The following AKR1C8 variants were observed in gnomAD, a reference collection of about 807,000 sequenced individuals.
AKR1C8 encodes the protein aldo-keto reductase family 1 member C-like protein 1.
At chr10:5,127,310 C>T in the AKR1C8 span, among the ~76,000 whole-genome samples, 1 of 152,008 alleles carries the variant, frequency 6.6e-6, no homozygotes, top group African/African-American at 2.4e-5. Context: ...ATGAAAGGCA[C>T]ATTTAGGGAA....
the AKR1C8 span, among the ~76,000 whole-genome samples, chr10:5,136,516 C>T: frequency 6.6e-6 from 1 of 152,164 alleles, no homozygotes; most frequent in Non-Finnish European, 1.5e-5. Flanking sequence ...CACTGTATTC[C>T]AGTTTGCATG....
chr10:5,175,021 GGTTT>G, the AKR1C8 span, among the ~76,000 whole-genome samples: 8 of 151,870 alleles, frequency 5.3e-5, no homozygotes, highest in Non-Finnish European at 7.4e-5. Flanking sequence ...ACAATGTGCA[GGTTT>G]GTTACATATG....
At chr10:5,172,467 A>C in the AKR1C8 span, among the ~76,000 whole-genome samples, 1 of 152,084 alleles carries the variant, frequency 6.6e-6, no homozygotes, top group East Asian at 1.9e-4. Flanking sequence ...CAAGATTAAA[A>C]GTAAGGATAT....
At chr10:5,116,900 C>A in the AKR1C8 span, among the ~76,000 whole-genome samples, 1 of 152,124 alleles carries the variant, frequency 6.6e-6, no homozygotes, top group Non-Finnish European at 1.5e-5. Flanking sequence ...GCGTAGCATT[C>A]GTATGTGTGA....
At chr10:5,140,782 T>C in the AKR1C8 span, among the ~76,000 whole-genome samples, 7 of 138,832 alleles carry the variant, frequency 5.0e-5, no homozygotes, top group Admixed American at 4.1e-4. Flanking sequence ...TGTACATATA[T>C]GCAACATACC....
At chr10:5,159,607 G>C in the AKR1C8 span, among the ~76,000 whole-genome samples, 2 of 152,022 alleles carry the variant, frequency 1.3e-5, no homozygotes, top group African/African-American at 4.8e-5. Flanking sequence ...CCAAACATCT[G>C]TATCTCCACC....
the AKR1C8 span, among the ~76,000 whole-genome samples, chr10:5,135,871 G>T: frequency 8.3e-3 from 1,254 of 151,902 alleles, 14 homozygotes; most frequent in African/African-American, 0.028. Context: ...AATATTTTGG[G>T]TTTTTTTTCT....
chr10:5,163,418 G>C, the AKR1C8 span, among the ~76,000 whole-genome samples: 2 of 152,140 alleles, frequency 1.3e-5, no homozygotes. Flanking sequence ...TAAGCACATT[G>C]TTCTATCATT....
chr10:5,174,954 AAAC>A, the AKR1C8 span, among the ~76,000 whole-genome samples: 2 of 152,236 alleles, frequency 1.3e-5, no homozygotes, highest in South Asian at 2.1e-4. Context: ...TTGAAATAAA[AAAC>A]AAGGTTTTCT....
chr10:5,179,451 T>G, the AKR1C8 span, among the ~76,000 whole-genome samples: 8 of 152,280 alleles, frequency 5.3e-5, no homozygotes, highest in East Asian at 9.7e-4. Context: ...CTGACAATTA[T>G]GTATCTTGGA....
At chr10:5,172,008 C>T in the AKR1C8 span, among the ~76,000 whole-genome samples, 19 of 151,872 alleles carry the variant, frequency 1.3e-4, no homozygotes, top group Non-Finnish European at 2.2e-4. Flanking sequence ...TGTTGAAAAC[C>T]TTCATAAGTT....
chr10:5,166,529 A>C, the AKR1C8 span, among the ~76,000 whole-genome samples: 7 of 152,170 alleles, frequency 4.6e-5, no homozygotes, highest in East Asian at 1.9e-4. Flanking sequence ...CAAAAACAAG[A>C]AATGGGGAAA....
chr10:5,182,138 A>G, the AKR1C8 span, among the ~76,000 whole-genome samples: 5 of 152,174 alleles, frequency 3.3e-5, no homozygotes, highest in South Asian at 2.1e-4. Context: ...AATTTAAAAC[A>G]TATTTATTTA....
At chr10:5,147,473 T>C in the AKR1C8 span, among the ~76,000 whole-genome samples, 18 of 152,166 alleles carry the variant, frequency 1.2e-4, no homozygotes, top group African/African-American at 4.3e-4. Flanking sequence ...TTATTTGCTT[T>C]TGAAGTACAA....
the AKR1C8 span, among the ~76,000 whole-genome samples, chr10:5,178,145 C>G: frequency 6.6e-6 from 1 of 152,100 alleles, no homozygotes; most frequent in African/African-American, 2.4e-5. Context: ...CTACACACTG[C>G]TTTGAATGTG....
chr10:5,140,369 T>G, the AKR1C8 span, among the ~76,000 whole-genome samples: 1 of 152,144 alleles, frequency 6.6e-6, no homozygotes, highest in Admixed American at 6.5e-5. Context: ...GCAGCACTAT[T>G]CACAATAGCA....
the AKR1C8 span, chr10:5,157,797 C>T: frequency 6.4e-6 from 3 of 470,184 alleles, no homozygotes; most frequent in Non-Finnish European, 1.3e-5. Flanking sequence ...AGTCGGGATC[C>T]ACCCTGTTGG....
At chr10:5,126,274 C>T in the AKR1C8 span, among the ~76,000 whole-genome samples, 1 of 152,150 alleles carries the variant, frequency 6.6e-6, no homozygotes, top group Non-Finnish European at 1.5e-5. Flanking sequence ...ACTGCATCCC[C>T]ACAGGAGGAG....
At chr10:5,158,958 T>C in the AKR1C8 span, among the ~76,000 whole-genome samples, 1 of 152,170 alleles carries the variant, frequency 6.6e-6, no homozygotes, top group African/African-American at 2.4e-5. Context: ...GCCCCAATTA[T>C]AGCCTCTAAA....
Sources: gnomAD v4.1 joint callset for allele counts (sites outside exome capture counted in the v4.1 genomes callset) on GRCh38, gnomAD v4.1.1 for gene constraint, MANE v1.5 for transcripts, NCBI Gene and HGNC (gene_info 2026-07-23, HGNC 2026-07-21) for gene names.